The following MYH10 variants were observed in gnomAD, a reference collection of about 807,000 sequenced individuals.
MYH10 encodes myosin heavy chain 10.
A neutral mutation model predicts 257.8 loss-of-function variants in MYH10; 55 were observed. The observed-to-expected ratio is 0.21, with a 90% CI of 0.17 to 0.27. MYH10 has a LOEUF of 0.27. Ranked by LOEUF, MYH10 falls within the 10% of genes least tolerant of loss-of-function variation. The pLI is 1.00. For synonymous variants in MYH10, 854 were observed against 921.7 expected, an observed-to-expected ratio of 0.93 and a Z score of 1.33; for missense variants, 1,631 against 2,500.6, an observed-to-expected ratio of 0.65 and a Z score of 7.42.
chr17:8,558,115 T>C (rs2082868395), intron 7 of MYH10, among the ~76,000 whole-genome samples: 1 of 152,250 alleles, frequency 6.6e-6, no homozygotes, highest in African/African-American at 2.4e-5. Context: ...AGTTTTGTTT[T>C]ATGGTGTGGA....
intron 35 of MYH10, among the ~76,000 whole-genome samples, chr17:8,489,745 A>ACACACCCCC: frequency 6.6e-6 from 1 of 150,798 alleles, no homozygotes; most frequent in African/African-American, 2.5e-5. Context: ...ACACACACAC[A>ACACACCCCC]CCCCAAATCC....
chr17:8,570,086 A>T (rs2083287599), intron 6 of MYH10, among the ~76,000 whole-genome samples: 1 of 152,198 alleles, frequency 6.6e-6, no homozygotes, highest in Non-Finnish European at 1.5e-5. Flanking sequence ...GGGGCACGTA[A>T]ATCAGGCAGA....
Position 8,518,804 on chromosome 17 carries a change from GA to G in MYH10, c.2344-14del. 3 of 1,606,018 alleles carry G rather than the reference GA, an allele frequency of 1.9e-6. No homozygotes were observed. The highest frequency in any genetic ancestry group is 1.3e-5 in the African/African-American group (1 of 74,254). ...CTAAAGCCCGGATCTAAGAGAGAAA[GA>G]GTTTATTTACTTTTTTTAACTACAA... On this transcript the variant is annotated splice_polypyrimidine_tract_variant and intron_variant, in intron 20 of 42. Transcript: ENST00000360416.
chr17:8,589,983 C>T (rs182061299), intron 3 of MYH10, among the ~76,000 whole-genome samples: 3 of 152,342 alleles, frequency 2.0e-5, no homozygotes, highest in Admixed American at 2.0e-4. Flanking sequence ...CCAGGCCTGT[C>T]TGCCTCTAGC....
intron 1 of MYH10, among the ~76,000 whole-genome samples, chr17:8,629,541 C>G (rs1214726450): frequency 6.6e-6 from 1 of 152,136 alleles, no homozygotes; most frequent in Non-Finnish European, 1.5e-5. Flanking sequence ...CTCCCGCTTC[C>G]CAGGGCCGCA....
intron 7 of MYH10, chr17:8,561,423 CA>C (rs2082989964): frequency 3.7e-6 from 4 of 1,082,722 alleles, no homozygotes; most frequent in Non-Finnish European, 4.2e-6. Flanking sequence ...ATGTGCTTCC[CA>C]AGCTGTGTGT....
At position 8,500,943 on chromosome 17, in the gene MYH10, C is replaced by G. The variant is rs1917419847; in HGVS notation, c.3627G>C (p.Glu1209Asp). ...LRTKREQEVA[E>D]LKKALEEETK... ...TTTCCTCCTCAAGAGCTTTCTTCAG[C>G]TCTGCCACTTCTTGTTCACGTTTTG... is the stretch of plus-strand genomic sequence containing the variant. The change falls in exon 29 of 43, where the codon GAG becomes GAC. Residue 1209 changes from glutamate (E) to aspartate (D), a missense_variant. Physicochemically the swap from Glu to Asp is conservative, Grantham distance 45. Transcript: ENST00000360416. 1.2e-6 allele frequency: 2 copies of G among 1,614,104 alleles called. No individual in the cohort carries two copies. Among genetic ancestry groups the G allele is most frequent in the East Asian group, 2.2e-5 (1 of 44,894 alleles).
At chr17:8,481,619 T>A (rs1271962126) in intron 37 of MYH10, among the ~76,000 whole-genome samples, 2 of 152,230 alleles carry the variant, frequency 1.3e-5, no homozygotes, top group Non-Finnish European at 2.9e-5. Flanking sequence ...CTGACACAGA[T>A]GTCCAGAGGA....
At chr17:8,622,872 T>G in intron 2 of MYH10, 30 bp downstream of exon 2, 1 of 1,603,786 alleles carries the variant, frequency 6.2e-7, no homozygotes, top group Non-Finnish European at 8.5e-7. Flanking sequence ...TAGCTACCAC[T>G]TCACATGATT....
chr17:8,593,136 T>A (rs765931999), intron 3 of MYH10, among the ~76,000 whole-genome samples: 1 of 151,016 alleles, frequency 6.6e-6, no homozygotes, highest in Non-Finnish European at 1.5e-5. Flanking sequence ...AAACTTAATA[T>A]CCACTGATGA....
chr17:8,543,741 G>A (rs1200196205), intron 13 of MYH10, among the ~76,000 whole-genome samples: 1 of 152,016 alleles, frequency 6.6e-6, no homozygotes, highest in Non-Finnish European at 1.5e-5. Context: ...CAAAGTGCTG[G>A]GATTACAGGC....
At chr17:8,489,389 C>A (rs528481525) in intron 35 of MYH10, among the ~76,000 whole-genome samples, 3 of 152,112 alleles carry the variant, frequency 2.0e-5, no homozygotes, top group Non-Finnish European at 2.9e-5. Context: ...GTGAAAATAA[C>A]AAAATAAAGC....
At chr17:8,565,065 A>C (rs2083121393) in intron 7 of MYH10, among the ~76,000 whole-genome samples, 1 of 152,154 alleles carries the variant, frequency 6.6e-6, no homozygotes, top group South Asian at 2.1e-4. Context: ...TTTTATTTTA[A>C]GTTTAACCAA....
chr17:8,547,243 C>A (rs2082474542), intron 11 of MYH10, among the ~76,000 whole-genome samples: 1 of 152,126 alleles, frequency 6.6e-6, no homozygotes, highest in South Asian at 2.1e-4. Context: ...TGATCCTCCT[C>A]TATTTATGGG....
At position 8,475,899 on chromosome 17, in the gene MYH10, G is replaced by C. The variant is rs1271861199; in HGVS notation, c.5929C>G (p.Leu1977Val). 18 of 1,614,188 alleles carry C rather than the reference G, an allele frequency of 1.1e-5. No homozygotes were observed. The highest frequency in any genetic ancestry group is 1.7e-5 in the Admixed American group (1 of 60,026). ...FSSSRSGRRQ[L>V]HLEGASLELS... is the part of the protein sequence containing the mutation. ...TCCAGGGAAGCTCCTTCAAGGTGCA[G>C]CTGGCGCCGGCCAGATCGGCTGGAA... Residue 1977 changes from leucine to valine, a missense_variant, in exon 43 of 43, where the codon CTG becomes GTG. Physicochemically the swap from Leu to Val is conservative, Grantham distance 32 (BLOSUM62 1). This residue lies in a region of MYH10 where 343 missense variants were observed against 389.5 expected (regional missense o/e 0.88). Transcript: ENST00000360416.
rs1434028441 is a variant in MYH10 at position 8,492,403 on chromosome 17, G to C, written c.4565C>G (p.Ala1522Gly). 1 of 1,613,332 alleles carries C rather than the reference G, an allele frequency of 6.2e-7. No individual in the cohort carries two copies. The highest frequency in any genetic ancestry group is 1.3e-5 in the African/African-American group (1 of 74,924). The change falls in exon 34 of 43, where the codon GCC becomes GGC. Residue 1522 changes from alanine to glycine, a missense_variant. Transcript: ENST00000360416. ...KETKALSLAR[A>G]LEEALEAKEE... ...CTTGGCCTCCAGGGCTTCCTCGAGG[G>C]CCCGGGCCAGTGACAGGGCTTTGGT...
chr17:8,490,462 C>T lies in MYH10; in HGVS notation c.4762G>A (p.Ala1588Thr). ...AGACGAAGCTTGGCATCTTCCGTGG[C>T]CTGGAGTTCGTCTTCCAGCTCCTCC... Reference protein sequence around the residue: ...QLEELEDELQATEDAKLRLEV... With the variant: ...QLEELEDELQTTEDAKLRLEV... The change falls in exon 35 of 43, where the codon GCC becomes ACC. Residue 1588 changes from alanine (A) to threonine (T), a missense_variant. Physicochemically the swap from Ala to Thr is moderately conservative, Grantham distance 58. Around this residue, in one of 11 missense-constraint regions of MYH10, gnomAD observed 463 missense variants for 621.8 expected, o/e 0.74. Transcript: ENST00000360416. This position sits in a 1 kb window ranked among gnomAD's most constrained non-coding sequence, Gnocchi z 4.1. The T allele has an allele frequency of 6.2e-7, 1 of 1,614,230 alleles. No individual in the cohort carries two copies. The highest frequency in any genetic ancestry group is 8.5e-7 in the Non-Finnish European group (1 of 1,180,046).
At chr17:8,536,889 C>T (rs986256438) in intron 14 of MYH10, among the ~76,000 whole-genome samples, 1 of 151,574 alleles carries the variant, frequency 6.6e-6, no homozygotes, top group Non-Finnish European at 1.5e-5. Flanking sequence ...GTGGAGTGAC[C>T]ACTAATGGGT....
At chr17:8,530,495 C>A in intron 17 of MYH10, 128 bp downstream of exon 17, 1 of 605,136 alleles carries the variant, frequency 1.7e-6, no homozygotes, top group Non-Finnish European at 2.9e-6. Context: ...AAAACAGAAA[C>A]CCAAAGCCCA....
Sources: gnomAD v4.1 joint callset for allele counts (sites outside exome capture counted in the v4.1 genomes callset) on GRCh38, gnomAD v4.1.1 for gene constraint, gnomAD v4.1.1 regional missense constraint, Gnocchi (gnomAD v3.1) non-coding constraint, MANE v1.5 for transcripts, NCBI Gene and HGNC (gene_info 2026-07-23, HGNC 2026-07-21) for gene names.